The following TRAPPC9 variants were observed in gnomAD, a reference collection of about 807,000 sequenced individuals.
The protein encoded by TRAPPC9 is IKK2 binding protein.
In TRAPPC9, 83 loss-of-function variants were observed where a neutral mutation model predicts 124.0. That is an observed-to-expected ratio of 0.67 (90% CI 0.56 to 0.80). The LOEUF (loss-of-function observed/expected upper bound fraction) is 0.80, where lower values mean the gene tolerates loss of function less well. TRAPPC9 is among the 30% of genes least tolerant of loss of function. The pLI, the probability that TRAPPC9 is intolerant of heterozygous loss-of-function variation, is 0.00. For synonymous variants in TRAPPC9, 638 were observed against 617.5 expected, an observed-to-expected ratio of 1.03 and a Z score of -0.49; for missense variants, 1,302 against 1,508.3, an observed-to-expected ratio of 0.86 and a Z score of 2.27.
chr8:140,420,262 C>A (rs2070154255), intron 5 of TRAPPC9, among the ~76,000 whole-genome samples: 1 of 152,064 alleles, frequency 6.6e-6, no homozygotes, highest in Non-Finnish European at 1.5e-5. Flanking sequence ...AAGATATAAT[C>A]TTCTTAAAAT....
At chr8:139,979,336 C>G (rs1358553146) in intron 19 of TRAPPC9, among the ~76,000 whole-genome samples, 10 of 152,144 alleles carry the variant, frequency 6.6e-5, no homozygotes, top group African/African-American at 2.4e-4. Flanking sequence ...TGCCACGGAG[C>G]TTCCCACTCA....
intron 21 of TRAPPC9, among the ~76,000 whole-genome samples, chr8:139,768,266 A>G (rs971084404): frequency 1.3e-5 from 2 of 152,254 alleles, no homozygotes; most frequent in Non-Finnish European, 2.9e-5. Flanking sequence ...GGAGGCAGTC[A>G]TTTACTCAGC....
chr8:139,795,363 T>A (rs1461130837), intron 21 of TRAPPC9, among the ~76,000 whole-genome samples: 1 of 152,154 alleles, frequency 6.6e-6, no homozygotes, highest in African/African-American at 2.4e-5. Context: ...TTCGGGAAGA[T>A]GCCACACTTC....
intron 21 of TRAPPC9, among the ~76,000 whole-genome samples, chr8:139,847,443 C>G (rs1167397279): frequency 9.2e-5 from 14 of 152,258 alleles, no homozygotes; most frequent in Admixed American, 9.2e-4. Context: ...CAAATGCACA[C>G]CACACTTGCA....
At chr8:140,154,572 A>C (rs988533622) in intron 17 of TRAPPC9, among the ~76,000 whole-genome samples, 5 of 151,998 alleles carry the variant, frequency 3.3e-5, no homozygotes, top group African/African-American at 1.2e-4. Flanking sequence ...GCCCTCTGCC[A>C]CCTCTGCTTT....
At chr8:140,146,013 T>C (rs1005846315) in intron 17 of TRAPPC9, among the ~76,000 whole-genome samples, 11 of 152,228 alleles carry the variant, frequency 7.2e-5, no homozygotes, top group African/African-American at 2.7e-4. Flanking sequence ...TACTTTCACC[T>C]AAACTCAGTA....
chr8:140,173,887 G>GT (rs2062013122), intron 17 of TRAPPC9, among the ~76,000 whole-genome samples: 1 of 152,192 alleles, frequency 6.6e-6, no homozygotes, highest in Non-Finnish European at 1.5e-5. Context: ...GTGAAACTGG[G>GT]TAAGTGGCTC....
intron 17 of TRAPPC9, among the ~76,000 whole-genome samples, chr8:140,206,000 A>G (rs147018696): frequency 1.3e-5 from 2 of 152,218 alleles, no homozygotes; most frequent in Admixed American, 6.5e-5. Flanking sequence ...ACATTTTGTC[A>G]GATTTATTCC....
chr8:140,403,660 A>G (rs2069360615), intron 6 of TRAPPC9, among the ~76,000 whole-genome samples: 1 of 123,982 alleles, frequency 8.1e-6, no homozygotes, highest in African/African-American at 2.5e-5. Context: ...AGAAAAGTAT[A>G]CTTTTTTTTT....
At chr8:140,023,887 T>A (rs1839963232) in intron 18 of TRAPPC9, 50 bp downstream of exon 18, 1 of 1,612,960 alleles carries the variant, frequency 6.2e-7, no homozygotes, top group African/African-American at 1.3e-5. Flanking sequence ...CTGAACGTAG[T>A]GCTGTTGAGA....
At chr8:139,938,866 C>T (rs1488790023) in intron 19 of TRAPPC9, among the ~76,000 whole-genome samples, 4 of 151,670 alleles carry the variant, frequency 2.6e-5, no homozygotes, top group African/African-American at 4.8e-5. Context: ...AGGATGGTCT[C>T]GATCTCCTGA....
At chr8:140,440,173 G>C (rs926185988) in intron 2 of TRAPPC9, among the ~76,000 whole-genome samples, 15 of 152,218 alleles carry the variant, frequency 9.9e-5, no homozygotes, top group Non-Finnish European at 1.9e-4. Flanking sequence ...CCACAAGGCA[G>C]TGTCAGGATG....
intron 8 of TRAPPC9, among the ~76,000 whole-genome samples, chr8:140,367,265 G>A (rs954668963): frequency 6.6e-6 from 1 of 152,164 alleles, no homozygotes; most frequent in African/African-American, 2.4e-5. Flanking sequence ...ACAAAAACTT[G>A]CACATGAATG....
At chr8:140,061,158 T>C (rs186328463) in intron 17 of TRAPPC9, among the ~76,000 whole-genome samples, 11 of 152,322 alleles carry the variant, frequency 7.2e-5, no homozygotes, top group Non-Finnish European at 1.3e-4. Context: ...GGGGAGCCAT[T>C]GGAAGATTTC....
chr8:139,861,325 T>C (rs1034803878), intron 21 of TRAPPC9, among the ~76,000 whole-genome samples: 4 of 152,110 alleles, frequency 2.6e-5, no homozygotes, highest in Non-Finnish European at 4.4e-5. Flanking sequence ...CTAATTCCGA[T>C]TGGCTACTTT....
intron 8 of TRAPPC9, among the ~76,000 whole-genome samples, chr8:140,366,776 A>G (rs769171905): frequency 1.1e-4 from 16 of 152,258 alleles, no homozygotes; most frequent in Non-Finnish European, 2.4e-4. Flanking sequence ...ACATATCAAG[A>G]GAATGAGAAA....
At chr8:140,265,672 G>A (rs2064623083) in intron 15 of TRAPPC9, among the ~76,000 whole-genome samples, 1 of 152,140 alleles carries the variant, frequency 6.6e-6, no homozygotes, top group Non-Finnish European at 1.5e-5. Flanking sequence ...TCTTTCCCCT[G>A]TGAAATTTCA....
chr8:140,037,755 CACACACACCCAAA>C (rs1228004666), intron 17 of TRAPPC9, among the ~76,000 whole-genome samples: 1 of 149,246 alleles, frequency 6.7e-6, no homozygotes, highest in African/African-American at 2.5e-5. Flanking sequence ...ACACACCCCA[CACACACACCCAAA>C]ACACACACAG....
At chr8:139,909,906 G>A (rs191389311) in intron 20 of TRAPPC9, among the ~76,000 whole-genome samples, 16 of 152,312 alleles carry the variant, frequency 1.1e-4, no homozygotes, top group Non-Finnish European at 1.3e-4. Context: ...CCAAAGACGA[G>A]AGCACCACCG....
Sources: gnomAD v4.1 joint callset for allele counts (sites outside exome capture counted in the v4.1 genomes callset) on GRCh38, gnomAD v4.1.1 for gene constraint, MANE v1.5 for transcripts, NCBI Gene and HGNC (gene_info 2026-07-23, HGNC 2026-07-21) for gene names.